Variants in DNAH12 observed in about 807,000 individuals in gnomAD.
DNAH12 encodes dynein axonemal heavy chain 12, also known as axonemal beta dynein heavy chain 12.
DNAH12 carries 285 observed loss-of-function variants against 371.5 expected under a neutral mutation model. The ratio of observed to expected loss-of-function variants is 0.77; its 90% CI spans 0.70 to 0.85. The LOEUF is 0.85. Among genes scored for constraint, DNAH12 ranks in the 40% least tolerant of loss-of-function variants. DNAH12 has a pLI of 0.00. For missense variants in DNAH12, 3,611 were observed against 3,689.4 expected (o/e 0.98, Z 0.55); for synonymous variants, 1,200 against 1,213.0 (o/e 0.99, Z 0.22).
chr3:57,422,167 C>G (rs551378350), intron 35 of DNAH12, among the ~76,000 whole-genome samples: 2 of 152,078 alleles, frequency 1.3e-5, no homozygotes, highest in East Asian at 3.9e-4. Flanking sequence ...CCTGCCACAG[C>G]CTCCTAGAGT....
chr3:57,438,484 A>T (rs6785217), intron 29 of DNAH12, among the ~76,000 whole-genome samples: 1,584 of 152,250 alleles, frequency 0.01, 21 homozygotes, highest in African/African-American at 0.036. Context: ...GAAAAAGAAG[A>T]AGTCAAACTG....
chr3:57,421,457 T>C, intron 36 of DNAH12, 61 bp downstream of exon 36: 1 of 1,506,770 alleles, frequency 6.6e-7, no homozygotes, highest in Non-Finnish European at 9.0e-7. Flanking sequence ...ACCCAGGAGC[T>C]TTGTCTGCTG....
intron 5 of DNAH12, among the ~76,000 whole-genome samples, chr3:57,510,426 C>A (rs146356180): frequency 1.3e-5 from 2 of 151,910 alleles, no homozygotes; most frequent in African/African-American, 4.8e-5. Context: ...ATGGCTTGAG[C>A]CCAGGAGTTT....
chr3:57,334,117 G>C (rs2062169373), intron 62 of DNAH12, among the ~76,000 whole-genome samples: 1 of 152,140 alleles, frequency 6.6e-6, no homozygotes. Context: ...CAAATGTAAA[G>C]ATAGCAACAG....
intron 43 of DNAH12, among the ~76,000 whole-genome samples, chr3:57,401,563 CAA>C (rs71294714): frequency 1.7e-3 from 118 of 67,982 alleles, no homozygotes; most frequent in African/African-American, 6.4e-3. Context: ...GACTCCATCT[CAA>C]AAAAAAAAAA....
chr3:57,461,470 A>G lies in DNAH12; in HGVS notation c.2736+19T>C. 4 of 1,550,138 alleles carry G rather than the reference A, an allele frequency of 2.6e-6. No homozygotes were observed. Among genetic ancestry groups the G allele is most frequent in the Non-Finnish European group, 3.5e-6 (4 of 1,145,988 alleles). ...AATCCGTATAAATGACCAAGAGCTG[A>G]TTATCACATTTAACATACCTTGATC... On this transcript the variant is annotated intron_variant, in intron 19 of 73. Coordinates refer to ENST00000495027, the MANE Select transcript of DNAH12 (RefSeq NM_001366028.2).
intron 68 of DNAH12, 130 bp downstream of exon 68, chr3:57,309,536 T>A (rs912610463): frequency 2.2e-6 from 2 of 904,940 alleles, no homozygotes; most frequent in African/African-American, 3.4e-5. Context: ...TTAACGGATT[T>A]GGAGGCTAAT....
chr3:57,309,400 T>C, intron 68 of DNAH12, 146 bp from the exon 69 acceptor site: 6 of 720,478 alleles, frequency 8.3e-6, no homozygotes, highest in Non-Finnish European at 1.3e-5. Context: ...CCTATGTACC[T>C]TAGCTCATCC....
chr3:57,327,723 A>G (rs1366404921), intron 62 of DNAH12, among the ~76,000 whole-genome samples: 1 of 152,048 alleles, frequency 6.6e-6, no homozygotes, highest in East Asian at 1.9e-4. Context: ...GCAGAACTGA[A>G]GGAAATAGAG....
chr3:57,390,424 A>AAAAAAAAAAAAATATATATATATAT, intron 45 of DNAH12, among the ~76,000 whole-genome samples: 1 of 33,420 alleles, frequency 3.0e-5, no homozygotes, highest in Non-Finnish European at 7.0e-5. Flanking sequence ...AAAAAAAAAA[A>AAAAAAAAAAAAATATATATATATAT]ATATATATAT....
intron 2 of DNAH12, 63 bp downstream of exon 2, chr3:57,542,638 A>C (rs1045875429): frequency 3.1e-5 from 46 of 1,505,724 alleles, no homozygotes; most frequent in Non-Finnish European, 3.9e-5. Context: ...TTTTAGGAGA[A>C]TATGAACACT....
chr3:57,433,316 T>A, intron 32 of DNAH12, 51 bp downstream of exon 32: 2 of 1,518,210 alleles, frequency 1.3e-6, no homozygotes, highest in Non-Finnish European at 1.8e-6. Flanking sequence ...GCTGAACACA[T>A]AAAATTGCTT....
At chr3:57,540,207 C>A (rs149171969) in intron 2 of DNAH12, among the ~76,000 whole-genome samples, 1 of 151,954 alleles carries the variant, frequency 6.6e-6, no homozygotes, top group Non-Finnish European at 1.5e-5. Context: ...CCCGCCAAGA[C>A]GCCTGGCTAA....
chr3:57,525,524 A>T (rs1236008388), intron 2 of DNAH12, among the ~76,000 whole-genome samples: 1 of 152,008 alleles, frequency 6.6e-6, no homozygotes, highest in African/African-American at 2.4e-5. Context: ...TTTATTTTTT[A>T]AATTTTTGTG....
At chr3:57,505,294 T>C (rs1021403288) in intron 8 of DNAH12, among the ~76,000 whole-genome samples, 4 of 131,620 alleles carry the variant, frequency 3.0e-5, no homozygotes, top group African/African-American at 1.1e-4. Context: ...CTGGTAACCA[T>C]CCTTCTACTC....
At chr3:57,395,942 G>C (rs1172208967) in intron 43 of DNAH12, among the ~76,000 whole-genome samples, 1 of 151,374 alleles carries the variant, frequency 6.6e-6, no homozygotes, top group African/African-American at 2.4e-5. Context: ...GGGTGACAGA[G>C]TGAGACATCT....
chr3:57,504,438 TCTCA>T (rs1312842010), intron 8 of DNAH12, among the ~76,000 whole-genome samples: 2 of 152,144 alleles, frequency 1.3e-5, no homozygotes, highest in East Asian at 3.8e-4. Flanking sequence ...TAAGACAGTG[TCTCA>T]CTCTGTTGCC....
chr3:57,499,673 T>TATATATATAC (rs771112538), intron 11 of DNAH12, among the ~76,000 whole-genome samples: 4 of 44,460 alleles, frequency 9.0e-5, no homozygotes, highest in African/African-American at 3.6e-4. Context: ...TATATATATA[T>TATATATATAC]ATACTTCTTA....
In DNAH12 at chr3:57,492,947, G is replaced by A. The variant is rs1442382458; in HGVS notation, c.1336-3260C>T. On this transcript the variant is annotated intron_variant, in intron 11 of 73. Coordinates refer to ENST00000495027, the MANE Select transcript of DNAH12 (RefSeq NM_001366028.2). ...TTGGGCCCAGGAGGTGGAGCTTGCA[G>A]TGAGTAGGGATGGCACCACTGCACT... Among the ~76,000 whole-genome samples the A allele has an allele frequency of 3.9e-5, 6 of 152,132 alleles. No homozygotes were observed. In the East Asian group the frequency reaches 1.2e-3, roughly 29 times the overall value.
Sources: allele counts gnomAD v4.1 joint callset (sites outside exome capture counted in the v4.1 genomes callset), GRCh38; gene constraint gnomAD v4.1.1; transcripts MANE v1.5; gene names NCBI Gene and HGNC (gene_info 2026-07-23, HGNC 2026-07-21).